EPC2: variants seen among roughly 807,000 people sequenced by gnomAD.
EPC2 encodes the protein enhancer of polycomb 2.
EPC2 carries 14 observed loss-of-function variants against 92.1 expected under a neutral mutation model. The ratio of observed to expected loss-of-function variants is 0.15; its 90% confidence interval spans 0.10 to 0.24. The LOEUF (loss-of-function observed/expected upper bound fraction) is 0.24, where lower values mean the gene tolerates loss of function less well. Among genes scored for constraint, EPC2 ranks in the 10% least tolerant of loss-of-function variants. The pLI, the probability that EPC2 is intolerant of heterozygous loss-of-function variation, is 1.00. For missense variants in EPC2, 755 were observed against 971.5 expected (o/e 0.78, Z 2.96); for synonymous variants, 340 against 334.7 (o/e 1.02, Z -0.17).
intron 2 of EPC2, among the ~76,000 whole-genome samples, chr2:148,738,663 G>C (rs913828444): frequency 1.3e-5 from 2 of 152,178 alleles, no homozygotes; most frequent in African/African-American, 4.8e-5. Flanking sequence ...ACTGAGTATA[G>C]AAAATAGAAT....
At chr2:148,764,400 A>C (rs573611109) in intron 6 of EPC2, among the ~76,000 whole-genome samples, 16 of 152,206 alleles carry the variant, frequency 1.1e-4, no homozygotes, top group Admixed American at 8.5e-4. Context: ...CCTCTCAGGA[A>C]CCTCCACAGA....
chr2:148,661,226 A>G (rs1680926377), intron 1 of EPC2, among the ~76,000 whole-genome samples: 1 of 152,046 alleles, frequency 6.6e-6, no homozygotes, highest in Non-Finnish European at 1.5e-5. Flanking sequence ...GTCAAAGTCT[A>G]CTTGTGTATC....
At chr2:148,737,902 A>G (rs138040444) in intron 2 of EPC2, among the ~76,000 whole-genome samples, 25 of 152,252 alleles carry the variant, frequency 1.6e-4, no homozygotes, top group African/African-American at 5.8e-4. Flanking sequence ...CCTGGGCTGC[A>G]TGCGGCCCGT....
intron 2 of EPC2, among the ~76,000 whole-genome samples, chr2:148,736,656 C>T (rs1259694476): frequency 6.6e-6 from 1 of 151,992 alleles, no homozygotes; most frequent in Non-Finnish European, 1.5e-5. Flanking sequence ...AAGGTTTTAG[C>T]CTTCCACACT....
intron 1 of EPC2, among the ~76,000 whole-genome samples, chr2:148,669,217 G>A (rs1252963538): frequency 6.6e-6 from 1 of 152,112 alleles, no homozygotes; most frequent in Non-Finnish European, 1.5e-5. Context: ...CATCTTACTA[G>A]TAGTTTCTTC....
intron 2 of EPC2, among the ~76,000 whole-genome samples, chr2:148,729,904 T>A (rs1682583505): frequency 6.6e-6 from 1 of 152,200 alleles, no homozygotes; most frequent in Admixed American, 6.5e-5. Context: ...TTTTGGCCAG[T>A]AATATTTGTT....
chr2:148,666,687 T>C (rs146211221), intron 1 of EPC2, among the ~76,000 whole-genome samples: 255 of 152,302 alleles, frequency 1.7e-3, no homozygotes, highest in African/African-American at 6.0e-3. Context: ...TCTCAGAGTG[T>C]AGTCCCAAAT....
intron 2 of EPC2, among the ~76,000 whole-genome samples, chr2:148,739,830 C>CTTTTTTT (rs879739457): frequency 2.2e-4 from 21 of 96,668 alleles, no homozygotes; most frequent in East Asian, 1.6e-3. Flanking sequence ...TTTTCTTCTT[C>CTTTTTTT]TTCTTTTTTT....
chr2:148,731,077 A>T (rs1458549632), intron 2 of EPC2, among the ~76,000 whole-genome samples: 1 of 152,098 alleles, frequency 6.6e-6, no homozygotes, highest in Non-Finnish European at 1.5e-5. Context: ...CCTTGCATCT[A>T]CTTTCTCTTT....
intron 1 of EPC2, among the ~76,000 whole-genome samples, chr2:148,656,221 A>G (rs1680795884): frequency 1.3e-5 from 2 of 152,178 alleles, no homozygotes; most frequent in South Asian, 4.1e-4. Flanking sequence ...GGAATTGAGA[A>G]TTAGCAGAAT....
At chr2:148,735,861 T>TA (rs1173951269) in intron 2 of EPC2, among the ~76,000 whole-genome samples, 2 of 152,074 alleles carry the variant, frequency 1.3e-5, no homozygotes, top group Non-Finnish European at 2.9e-5. Context: ...TACTTTTTTT[T>TA]AACAGCTGAT....
intron 2 of EPC2, among the ~76,000 whole-genome samples, chr2:148,739,144 G>T (rs758598324): frequency 2.7e-4 from 41 of 152,306 alleles, no homozygotes; most frequent in Non-Finnish European, 5.1e-4. Context: ...AGCTGAAAGT[G>T]TGCTTTCTAA....
chr2:148,733,090 A>ATTTTTATTTATTTTTTTTTTTTGAG (rs1553447676), intron 2 of EPC2, among the ~76,000 whole-genome samples: 1 of 150,678 alleles, frequency 6.6e-6, no homozygotes, highest in Admixed American at 6.8e-5. Context: ...TTTATTTTTT[A>ATTTTTATTTATTTTTTTTTTTTGAG]AAGAATAATA....
intron 7 of EPC2, among the ~76,000 whole-genome samples, chr2:148,767,240 A>G (rs1183334312): frequency 6.6e-6 from 1 of 151,510 alleles, no homozygotes; most frequent in Admixed American, 6.6e-5. Context: ...GGGTGCTATG[A>G]CCTACAGAAA....
intron 2 of EPC2, among the ~76,000 whole-genome samples, chr2:148,690,602 G>A (rs1411135047): frequency 6.6e-6 from 1 of 152,104 alleles, no homozygotes; most frequent in Admixed American, 6.6e-5. Context: ...ATAGGATTTT[G>A]TATAGCACTT....
In EPC2 at chr2:148,786,299, C is replaced by T; in HGVS notation, c.2352-6C>T. 6 of 1,608,656 alleles carry T rather than the reference C, an allele frequency of 3.7e-6. No homozygotes were observed. Among genetic ancestry groups the T allele is most frequent in the Non-Finnish European group, 5.1e-6 (6 of 1,176,674 alleles). On this transcript the variant is annotated splice_region_variant and splice_polypyrimidine_tract_variant and intron_variant, in intron 13 of 13. Coordinates refer to ENST00000258484, the MANE Select transcript of EPC2 (RefSeq NM_015630.4). The stretch of plus-strand genomic sequence containing the variant: ...ATTTATTTTATCCTTTGCCTTATTA[C>T]CATAGAGAGAACCACGAACCAGAAA...
intron 1 of EPC2, among the ~76,000 whole-genome samples, chr2:148,689,862 G>A (rs1386325958): frequency 1.3e-5 from 2 of 152,166 alleles, no homozygotes; most frequent in East Asian, 1.9e-4. Flanking sequence ...TTTATTTCCT[G>A]TAATTTGGAA....
rs1336680604 is a variant in EPC2 at position 148,776,763 on chromosome 2, A to G, written c.1721-4881A>G. On this transcript the variant is annotated intron_variant, in intron 10 of 13. Coordinates refer to ENST00000258484, the MANE Select transcript of EPC2 (RefSeq NM_015630.4). ...CTGGGTATAGTGACTCACCTCTGTAATCTAGCACTTCGTGAGGACAAAGTG... is the reference window on the plus strand; with the variant it reads ...CTGGGTATAGTGACTCACCTCTGTAGTCTAGCACTTCGTGAGGACAAAGTG... Among the ~76,000 whole-genome samples the G allele has an allele frequency of 2.6e-5, 4 of 151,946 alleles. No individual in the cohort carries two copies. The South Asian group carries it at 6.2e-4, about 24-fold the overall frequency.
intron 1 of EPC2, among the ~76,000 whole-genome samples, chr2:148,685,496 C>A (rs982782132): frequency 2.6e-5 from 4 of 152,216 alleles, no homozygotes; most frequent in African/African-American, 9.6e-5. Context: ...CACGGTGGCT[C>A]ACGCCTGTAA....
Sources: allele counts gnomAD v4.1 joint callset (sites outside exome capture counted in the v4.1 genomes callset), GRCh38; gene constraint gnomAD v4.1.1; transcripts MANE v1.5; gene names NCBI Gene and HGNC (gene_info 2026-07-23, HGNC 2026-07-21).